The following GAREM1 variants were observed in gnomAD, a reference collection of about 807,000 sequenced individuals.
GAREM1 encodes GRB2-associated and regulator of MAPK protein 1.
A neutral mutation model predicts 71.3 loss-of-function variants in GAREM1; 26 were observed. That is an observed-to-expected ratio of 0.36 (90% CI 0.27 to 0.51). The LOEUF is 0.51. Among genes scored for constraint, GAREM1 ranks in the 20% least tolerant of loss-of-function variants. GAREM1 has a pLI of 0.95. For missense variants in GAREM1, 1,026 were observed against 1,103.1 expected, an observed-to-expected ratio of 0.93 and a Z score of 0.99; for synonymous variants, 440 against 433.2, an observed-to-expected ratio of 1.02 and a Z score of -0.20.
At chr18:32,299,650 A>T (rs2047180794) in intron 3 of GAREM1, among the ~76,000 whole-genome samples, 2 of 152,178 alleles carry the variant, frequency 1.3e-5, no homozygotes, top group African/African-American at 4.8e-5. Flanking sequence ...TATAGCCAAG[A>T]ACAAGGCAGT....
Position 32,268,732 on chromosome 18 carries a change from G to A in GAREM1, c.1770C>T (p.Ser590=). Residue 590 remains serine, a synonymous_variant, in exon 6 of 6, where the codon AGC becomes AGT. Transcript: ENST00000269209. ...VTKTDTNPSE[S]TPVSCYPCNR... is the part of the protein sequence containing the mutation. The stretch of plus-strand genomic sequence containing the variant: ...TACATGGATAGCAGGAAACAGGAGT[G>A]CTTTCAGAAGGATTTGTGTCAGTTT... 6.2e-7 allele frequency: 1 copy of A among 1,614,036 alleles called. No individual in the cohort carries two copies. The highest frequency in any genetic ancestry group is 8.5e-7 in the Non-Finnish European group (1 of 1,179,924).
At chr18:32,290,908 G>A (rs374346854) in intron 3 of GAREM1, among the ~76,000 whole-genome samples, 8 of 152,096 alleles carry the variant, frequency 5.3e-5, no homozygotes, top group Admixed American at 1.3e-4. Flanking sequence ...GATACAACCC[G>A]TGTGGCAGGG....
Position 32,369,107 on chromosome 18 carries a change from G to C in GAREM1, c.262+23788C>G, listed in dbSNP as rs139915656. ...TAAGTTCTACAGATGACTACATTCT[G>C]GCACAAGTGCATGTTATCAGAGACA... is the stretch of plus-strand genomic sequence containing the variant. On this transcript the variant is annotated intron_variant, in intron 2 of 5. Coordinates refer to ENST00000269209, the MANE Select transcript of GAREM1 (RefSeq NM_001242409.2). 5.9e-3 allele frequency among the ~76,000 whole-genome samples: 902 copies of C among 152,144 alleles called. 6 individuals carry two copies. Among genetic ancestry groups the C allele is most frequent in the African/African-American group, 0.02 (849 of 41,508 alleles).
At chr18:32,309,608 T>A (rs1598950134) in intron 3 of GAREM1, among the ~76,000 whole-genome samples, 1 of 82,262 alleles carries the variant, frequency 1.2e-5, no homozygotes, top group Non-Finnish European at 2.1e-5. Flanking sequence ...AGAGCAAGAC[T>A]CAGTCTCAAA....
At chr18:32,419,871 T>C (rs982161956) in intron 1 of GAREM1, among the ~76,000 whole-genome samples, 4 of 152,184 alleles carry the variant, frequency 2.6e-5, no homozygotes, top group African/African-American at 9.7e-5. Context: ...ATACAGTACC[T>C]TTCAAAAAGA....
chr18:32,418,240 G>A (rs908478681), intron 1 of GAREM1, among the ~76,000 whole-genome samples: 1 of 152,152 alleles, frequency 6.6e-6, no homozygotes, highest in African/African-American at 2.4e-5. Flanking sequence ...TCCCCCTTGT[G>A]AGATAGTCAA....
chr18:32,379,253 T>A (rs1054198521), intron 2 of GAREM1, among the ~76,000 whole-genome samples: 1 of 152,060 alleles, frequency 6.6e-6, no homozygotes, highest in Admixed American at 6.6e-5. Flanking sequence ...TCACCAGTTG[T>A]CCCCTCTTCA....
At chr18:32,359,214 C>G (rs1349507825) in intron 2 of GAREM1, among the ~76,000 whole-genome samples, 2 of 152,142 alleles carry the variant, frequency 1.3e-5, no homozygotes, top group Non-Finnish European at 2.9e-5. Flanking sequence ...AACCAGCAGC[C>G]CATGCCCCAT....
chr18:32,434,558 C>A (rs1334694061), intron 1 of GAREM1, among the ~76,000 whole-genome samples: 1 of 151,812 alleles, frequency 6.6e-6, no homozygotes, highest in African/African-American at 2.4e-5. Context: ...AAAGCTAGAA[C>A]AATTTGAGCA....
chr18:32,443,965 C>T (rs141950507), intron 1 of GAREM1, among the ~76,000 whole-genome samples: 60 of 152,248 alleles, frequency 3.9e-4, no homozygotes, highest in African/African-American at 1.3e-3. Context: ...AAACATCCTA[C>T]GACATGATGA....
At chr18:32,413,218 G>A (rs990768050) in intron 1 of GAREM1, 17 of 1,605,818 alleles carry the variant, frequency 1.1e-5, no homozygotes, top group East Asian at 8.9e-5. Flanking sequence ...CTTCTTCGGC[G>A]GCGTCCACGG....
At chr18:32,272,199 C>T (rs1171582146) in intron 4 of GAREM1, among the ~76,000 whole-genome samples, 1 of 152,216 alleles carries the variant, frequency 6.6e-6, no homozygotes, top group Non-Finnish European at 1.5e-5. Context: ...GGGACCTCTA[C>T]CTCGCATCCC....
chr18:32,441,169 C>A (rs2048732906), intron 1 of GAREM1, among the ~76,000 whole-genome samples: 2 of 152,028 alleles, frequency 1.3e-5, no homozygotes, highest in South Asian at 4.2e-4. Flanking sequence ...CCTGAGAAAG[C>A]CTAGAGGGAC....
chr18:32,291,982 T>C (rs979557859), intron 3 of GAREM1, among the ~76,000 whole-genome samples: 1 of 152,232 alleles, frequency 6.6e-6, no homozygotes, highest in East Asian at 1.9e-4. Context: ...AGCAGAATGA[T>C]TTATAATCCT....
intron 2 of GAREM1, among the ~76,000 whole-genome samples, chr18:32,366,282 C>T (rs2144619670): frequency 6.6e-6 from 1 of 152,252 alleles, no homozygotes; most frequent in East Asian, 1.9e-4. Flanking sequence ...TATTACCTTA[C>T]ATTGTAACAG....
At chr18:32,276,171 A>G (rs2041540066) in intron 4 of GAREM1, among the ~76,000 whole-genome samples, 1 of 152,258 alleles carries the variant, frequency 6.6e-6, no homozygotes, top group African/African-American at 2.4e-5. Flanking sequence ...TCTTTAGTCA[A>G]TGAGGCATAT....
In GAREM1 at chr18:32,267,655, T is replaced by C; in HGVS notation, c.*216A>G. On this transcript the variant is annotated 3_prime_UTR_variant, in exon 6 of 6. Transcript: ENST00000269209. ...GCTGCTGAGTGTTTGTTGAGTGACGTACAAGGCACACCTCCAAGTGTTCTG... is the reference window on the plus strand; with the variant it reads ...GCTGCTGAGTGTTTGTTGAGTGACGCACAAGGCACACCTCCAAGTGTTCTG... The C allele has an allele frequency of 2.0e-6, 1 of 491,668 alleles. No homozygotes were observed. 30.5% of individuals were successfully genotyped at this position (491,668 alleles called of 1,614,324 possible).
At chr18:32,356,695 T>G (rs2047809976) in intron 2 of GAREM1, among the ~76,000 whole-genome samples, 1 of 152,138 alleles carries the variant, frequency 6.6e-6, no homozygotes, top group Admixed American at 6.5e-5. Context: ...TTTTACAAGG[T>G]AGAAATCTGA....
intron 2 of GAREM1, among the ~76,000 whole-genome samples, chr18:32,317,170 C>T (rs1016806785): frequency 4.6e-5 from 7 of 152,022 alleles, no homozygotes; most frequent in African/African-American, 1.7e-4. Context: ...TTTGGCAGGC[C>T]GAAGTGGACA....
Sources: allele counts gnomAD v4.1 joint callset (sites outside exome capture counted in the v4.1 genomes callset), GRCh38; gene constraint gnomAD v4.1.1; transcripts MANE v1.5; gene names NCBI Gene and HGNC (gene_info 2026-07-23, HGNC 2026-07-21).